The following TBX1 variants were observed in gnomAD, a reference collection of about 807,000 sequenced individuals.
TBX1 encodes the protein T-box transcription factor 1.
A neutral mutation model predicts 40.8 loss-of-function variants in TBX1; 16 were observed. The observed-to-expected ratio is 0.39, with a 90% CI of 0.27 to 0.60. The LOEUF (loss-of-function observed/expected upper bound fraction) is 0.60. TBX1 is among the 20% of genes least tolerant of loss of function. The pLI, the probability that TBX1 is intolerant of heterozygous loss-of-function variation, is 0.51. For synonymous variants in TBX1, 403 were observed against 336.8 expected (o/e 1.20, Z -2.15); for missense variants, 755 against 728.5 (o/e 1.04, Z -0.42).
At chr22:19,763,605 G>A in intron 2 of TBX1, 1 of 533,222 alleles carries the variant, frequency 1.9e-6, no homozygotes, top group Admixed American at 3.2e-5. Flanking sequence ...CCCTAGGGTG[G>A]TCAGCCAAGT....
chr22:19,770,636 C>G (rs1936974365), downstream of TBX1, among the ~76,000 whole-genome samples: 1 of 152,196 alleles, frequency 6.6e-6, no homozygotes, highest in Non-Finnish European at 1.5e-5. Context: ...GCTTCAGGCC[C>G]CACCCTGCGG....
intron 8 of TBX1, among the ~76,000 whole-genome samples, chr22:19,776,358 G>T (rs1937065204): frequency 6.6e-6 from 1 of 152,216 alleles, no homozygotes; most frequent in African/African-American, 2.4e-5. Flanking sequence ...CTCACTGGGG[G>T]TGGGAGGGTA....
At chr22:19,779,108 C>T in intron 8 of TBX1, 1 of 1,284,080 alleles carries the variant, frequency 7.8e-7, no homozygotes, top group Non-Finnish European at 1.1e-6. Flanking sequence ...TCCTGTCCTG[C>T]CCTTCCATGC....
Position 19,766,000 on chromosome 22 carries a change from A to C in TBX1, c.1034A>C (p.Lys345Thr). ...ASPTQPSGTE[K>T]DAAEARREFQ... is the part of the protein sequence containing the mutation. ...CCGACGCAGCCCAGCGGCACGGAGA[A>C]AGGTAGGGCCGGGGTCGTGGGATCC... The change falls in exon 6 of 7, where the codon AAA (lysine) becomes ACA (threonine). Residue 345 changes from lysine to threonine, a missense_variant and splice_region_variant. Around this residue, in one of 3 missense-constraint regions of TBX1, gnomAD observed 412 missense variants for 317.6 expected, o/e 1.30. Coordinates refer to ENST00000649276, the MANE Select transcript of TBX1 (RefSeq NM_001379200.1). 1 of 1,508,416 alleles carries C rather than the reference A, an allele frequency of 6.6e-7. No homozygotes were observed. The highest frequency in any genetic ancestry group is 8.8e-7 in the Non-Finnish European group (1 of 1,135,116). 93.4% of individuals were successfully genotyped at this position (1,508,416 alleles called of 1,614,324 possible).
chr22:19,763,750 C>T, intron 2 of TBX1: 1 of 391,728 alleles, frequency 2.6e-6, no homozygotes, highest in Non-Finnish European at 4.7e-6. Context: ...AGAGATTATG[C>T]AGGGCGGGCC....
downstream of TBX1, among the ~76,000 whole-genome samples, chr22:19,780,973 G>A (rs1430615589): frequency 6.6e-6 from 1 of 151,876 alleles, no homozygotes; most frequent in Admixed American, 6.6e-5. Flanking sequence ...TAGTAGAGAC[G>A]GGGTTTTACC....
chr22:19,768,953 CT>C (rs36085623), downstream of TBX1, among the ~76,000 whole-genome samples: 5,710 of 65,958 alleles, frequency 0.087, 95 homozygotes, highest in Non-Finnish European at 0.11. Context: ...TGTTCGCATT[CT>C]TTTTTTTTTT....
In TBX1 at chr22:19,767,096, C is replaced by G; in HGVS notation, c.*229C>G. On this transcript the variant is annotated 3_prime_UTR_variant, in exon 7 of 7. Transcript: ENST00000649276. ...TCCCTGGAGCCACCGCGGGTCCTTC[C>G]CCGGCCCCGAGGGCCAAGGGGGTCC... 7.9e-7 allele frequency: 1 copy of G among 1,263,344 alleles called. No homozygotes were observed. The highest frequency in any genetic ancestry group is 9.9e-7 in the Non-Finnish European group (1 of 1,006,910). The allele number at this position is 1,263,344 out of a possible 1,614,324, so 78.3% of individuals were successfully genotyped here.
chr22:19,772,826 G>A (rs1937010246), intron 8 of TBX1, among the ~76,000 whole-genome samples: 1 of 152,206 alleles, frequency 6.6e-6, no homozygotes, highest in East Asian at 1.9e-4. Context: ...GAGGCAGTAC[G>A]TCTTCCCAGG....
downstream of TBX1, chr22:19,783,126 T>G: frequency 1.3e-6 from 1 of 745,570 alleles, no homozygotes; most frequent in South Asian, 1.4e-5. Flanking sequence ...CCTCCAGCCC[T>G]GGCCATCACC....
At position 19,761,238 on chromosome 22, in the gene TBX1, T is replaced by C; in HGVS notation, c.395T>C (p.Phe132Ser). 1 of 1,571,190 alleles carries C rather than the reference T, an allele frequency of 6.4e-7. No individual in the cohort carries two copies. Among genetic ancestry groups the C allele is most frequent in the Non-Finnish European group, 8.6e-7 (1 of 1,157,524 alleles). The part of the protein sequence containing the change: ...QLEMKALWDE[F>S]NQLGTEMIVT... ...GAGATGAAGGCGCTGTGGGACGAGT[T>C]CAACCAGCTGGGCACCGAGATGATC... is the stretch of plus-strand genomic sequence containing the variant. Residue 132 changes from phenylalanine to serine, a missense_variant, in exon 1 of 7, where the codon TTC becomes TCC. Physicochemically the swap from Phe to Ser is radical, Grantham distance 155. Transcript: ENST00000649276.
chr22:19,758,541 G>C (rs570563656), upstream of TBX1, among the ~76,000 whole-genome samples: 3 of 152,160 alleles, frequency 2.0e-5, no homozygotes, highest in African/African-American at 7.2e-5. Context: ...CAGCCTGGTC[G>C]GGCCATAGAG....
downstream of TBX1, chr22:19,779,554 C>T (rs1396034523): frequency 2.0e-6 from 3 of 1,488,088 alleles, no homozygotes; most frequent in African/African-American, 4.2e-5. Context: ...AAATACTTCT[C>T]CATAGAGTCA....
At chr22:19,767,871 C>A (rs1054962899), downstream of TBX1, among the ~76,000 whole-genome samples, 2 of 152,220 alleles carry the variant, frequency 1.3e-5, no homozygotes, top group African/African-American at 4.8e-5. Flanking sequence ...TTTCCCCTGC[C>A]GGCCTAGCCC....
At chr22:19,774,378 A>G (rs1226744079) in intron 8 of TBX1, among the ~76,000 whole-genome samples, 2 of 152,244 alleles carry the variant, frequency 1.3e-5, no homozygotes, top group Non-Finnish European at 2.9e-5. Context: ...ACACCACTCC[A>G]CGCCAGCCTG....
chr22:19,773,369 C>T (rs1475288247), intron 8 of TBX1, among the ~76,000 whole-genome samples: 1 of 152,152 alleles, frequency 6.6e-6, no homozygotes, highest in Non-Finnish European at 1.5e-5. Flanking sequence ...CACATAGGAG[C>T]ACATCCCAAG....
At chr22:19,782,254 A>G (rs912908049), downstream of TBX1, among the ~76,000 whole-genome samples, 2 of 152,238 alleles carry the variant, frequency 1.3e-5, no homozygotes, top group Non-Finnish European at 2.9e-5. Context: ...TAGTATGGAT[A>G]TCTTAACAAT....
upstream of TBX1, among the ~76,000 whole-genome samples, chr22:19,760,420 A>G (rs887080125): frequency 9.3e-5 from 14 of 150,026 alleles, no homozygotes; most frequent in African/African-American, 3.4e-4. Context: ...TCGGGAGGGA[A>G]AATTTAAATG....
At chr22:19,773,031 A>G (rs546661145) in intron 8 of TBX1, among the ~76,000 whole-genome samples, 84 of 152,306 alleles carry the variant, frequency 5.5e-4, no homozygotes, top group African/African-American at 2.0e-3. Context: ...CTACACAGGA[A>G]GCCCGGGCAC....
Sources: allele counts gnomAD v4.1 joint callset (sites outside exome capture counted in the v4.1 genomes callset), GRCh38; gene constraint gnomAD v4.1.1; regional missense constraint gnomAD v4.1.1; transcripts MANE v1.5; gene names NCBI Gene and HGNC (gene_info 2026-07-23, HGNC 2026-07-21).